The following DOCK3 variants were observed in gnomAD, a reference collection of about 807,000 sequenced individuals.
DOCK3 encodes dedicator of cytokinesis 3, also known as dedicator of cytokinesis protein 3.
In DOCK3, 60 loss-of-function variants were observed where a neutral mutation model predicts 265.6. That is an observed-to-expected ratio of 0.23 (90% CI 0.18 to 0.28). The LOEUF (loss-of-function observed/expected upper bound fraction) is 0.28. DOCK3 is among the 10% of genes least tolerant of loss of function. DOCK3 has a pLI of 1.00. For missense variants in DOCK3, 1,981 were observed against 2,594.3 expected (o/e 0.76, Z 5.14); for synonymous variants, 881 against 938.0 (o/e 0.94, Z 1.11).
At chr3:51,320,219 C>T (rs944328103) in intron 32 of DOCK3, among the ~76,000 whole-genome samples, 10 of 152,088 alleles carry the variant, frequency 6.6e-5, no homozygotes, top group African/African-American at 1.7e-4. Flanking sequence ...CACAAGGGGT[C>T]GGGGAATTCC....
chr3:51,012,064 G>A (rs944792556), intron 5 of DOCK3, among the ~76,000 whole-genome samples: 11 of 152,288 alleles, frequency 7.2e-5, no homozygotes, highest in Non-Finnish European at 1.5e-4. Context: ...TAGGCTACTC[G>A]GGGGTCAGGG....
intron 5 of DOCK3, among the ~76,000 whole-genome samples, chr3:50,940,803 G>A (rs1261307068): frequency 2.6e-5 from 4 of 151,976 alleles, no homozygotes; most frequent in African/African-American, 7.2e-5. Context: ...TTTTGACAAA[G>A]GTACAAAAGC....
intron 1 of DOCK3, among the ~76,000 whole-genome samples, chr3:50,724,528 A>C (rs1473531354): frequency 3.3e-5 from 5 of 152,134 alleles, no homozygotes; most frequent in Admixed American, 6.6e-5. Flanking sequence ...AGGATGAGTT[A>C]ATGTCCTTTG....
chr3:50,815,982 T>TA (rs2044050605), intron 2 of DOCK3, among the ~76,000 whole-genome samples: 1 of 151,940 alleles, frequency 6.6e-6, no homozygotes, highest in Non-Finnish European at 1.5e-5. Flanking sequence ...GGACTTTTAT[T>TA]AAACACTGAC....
intron 9 of DOCK3, among the ~76,000 whole-genome samples, chr3:51,106,209 C>T (rs2083273594): frequency 6.6e-6 from 1 of 152,204 alleles, no homozygotes; most frequent in South Asian, 2.1e-4. Context: ...CAGACCTGAG[C>T]ACCCCTCAGT....
intron 3 of DOCK3, among the ~76,000 whole-genome samples, chr3:50,870,150 A>T (rs1559748092): frequency 6.6e-6 from 1 of 152,244 alleles, no homozygotes; most frequent in East Asian, 1.9e-4. Context: ...GTGCAGATTA[A>T]ATCTGATGTT....
intron 9 of DOCK3, among the ~76,000 whole-genome samples, chr3:51,100,372 A>G (rs2083035214): frequency 6.6e-6 from 1 of 152,216 alleles, no homozygotes; most frequent in African/African-American, 2.4e-5. Context: ...CTGAAACTCC[A>G]TTAGAAAGCC....
At chr3:51,151,593 A>G (rs1012691939) in intron 10 of DOCK3, among the ~76,000 whole-genome samples, 5 of 152,140 alleles carry the variant, frequency 3.3e-5, no homozygotes, top group Admixed American at 3.3e-4. Context: ...GCTAGCATCG[A>G]TTGTCTTTAC....
At chr3:50,739,833 A>G (rs1164330250) in intron 1 of DOCK3, among the ~76,000 whole-genome samples, 3 of 152,162 alleles carry the variant, frequency 2.0e-5, no homozygotes, top group Non-Finnish European at 4.4e-5. Flanking sequence ...TGTTGGATAT[A>G]AAAGTGAGCC....
At chr3:51,365,681 G>T (rs182435462) in intron 49 of DOCK3, among the ~76,000 whole-genome samples, 159 of 152,312 alleles carry the variant, frequency 1.0e-3, no homozygotes, top group Non-Finnish European at 2.0e-3. Context: ...AGTTTATTGA[G>T]AGTTTTTAGC....
intron 5 of DOCK3, among the ~76,000 whole-genome samples, chr3:50,983,492 C>G (rs1462362982): frequency 6.6e-6 from 1 of 152,100 alleles, no homozygotes; most frequent in Non-Finnish European, 1.5e-5. Context: ...GATGGGATGA[C>G]CAGTTGCAGA....
At chr3:51,043,599 A>T (rs535632240) in intron 5 of DOCK3, among the ~76,000 whole-genome samples, 1 of 152,282 alleles carries the variant, frequency 6.6e-6, no homozygotes, top group Admixed American at 6.5e-5. Context: ...ATCTAATTAA[A>T]CTAAAGAGCT....
chr3:50,863,382 C>T (rs369707515), intron 3 of DOCK3: 1 of 517,896 alleles, frequency 1.9e-6, no homozygotes, highest in South Asian at 1.4e-5. Context: ...TGACAAGTTC[C>T]CAAATAATCA....
At chr3:50,973,640 T>C (rs1326930685) in intron 5 of DOCK3, among the ~76,000 whole-genome samples, 1 of 142,098 alleles carries the variant, frequency 7.0e-6, no homozygotes, top group African/African-American at 2.6e-5. Context: ...TTATAGTCCT[T>C]TGGGTATATA....
chr3:50,823,701 G>T (rs963044841), intron 2 of DOCK3, among the ~76,000 whole-genome samples: 3 of 152,116 alleles, frequency 2.0e-5, no homozygotes, highest in Non-Finnish European at 4.4e-5. Flanking sequence ...AGACGGGGTG[G>T]TGGCCGGGCA....
At chr3:51,358,796 C>T (rs2086540862) in intron 46 of DOCK3, among the ~76,000 whole-genome samples, 1 of 152,244 alleles carries the variant, frequency 6.6e-6, no homozygotes, top group Non-Finnish European at 1.5e-5. Context: ...CTTAAACACA[C>T]AAACAGGACT....
intron 12 of DOCK3, among the ~76,000 whole-genome samples, chr3:51,202,502 G>A (rs1263997268): frequency 6.6e-6 from 1 of 152,052 alleles, no homozygotes. Flanking sequence ...CCAATAACAG[G>A]AGCTGAAATT....
chr3:51,073,891 G>A (rs1251911421), intron 6 of DOCK3, among the ~76,000 whole-genome samples: 2 of 151,974 alleles, frequency 1.3e-5, no homozygotes, highest in African/African-American at 4.8e-5. Flanking sequence ...ATATAGGTTT[G>A]ATTTTCCATT....
chr3:50,766,522 T>C (rs1407830213), intron 1 of DOCK3, among the ~76,000 whole-genome samples: 1 of 152,146 alleles, frequency 6.6e-6, no homozygotes, highest in Non-Finnish European at 1.5e-5. Context: ...CAGTCTATCA[T>C]TGATGGACAT....
Sources: allele counts gnomAD v4.1 joint callset (sites outside exome capture counted in the v4.1 genomes callset), GRCh38; gene constraint gnomAD v4.1.1; transcripts MANE v1.5; gene names NCBI Gene and HGNC (gene_info 2026-07-23, HGNC 2026-07-21).